Variants in IFI6 observed in about 807,000 individuals in gnomAD.
IFI6 encodes interferon alpha-inducible protein 6.
IFI6 carries 10 observed loss-of-function variants against 12.7 expected under a neutral mutation model. That is an observed-to-expected ratio of 0.79 (90% CI 0.49 to 1.33). The LOEUF (loss-of-function observed/expected upper bound fraction) is 1.33, where lower values mean the gene tolerates loss of function less well. Ranked by LOEUF, IFI6 falls within the 40% of genes most tolerant of loss-of-function variation. IFI6 has a pLI of 0.00. For missense variants in IFI6, 154 were observed against 180.4 expected (o/e 0.85, Z 0.84); for synonymous variants, 89 against 86.2 (o/e 1.03, Z -0.18).
At chr1:27,666,864 G>A (rs940862755) in intron 4 of IFI6, among the ~76,000 whole-genome samples, 1 of 152,044 alleles carries the variant, frequency 6.6e-6, no homozygotes, top group African/African-American at 2.4e-5. Flanking sequence ...CCCTGGGCTC[G>A]CCCACACTCT....
intron 2 of IFI6, 131 bp downstream of exon 2, chr1:27,669,114 C>A: frequency 9.5e-7 from 1 of 1,051,690 alleles, no homozygotes; most frequent in Non-Finnish European, 1.4e-6. Context: ...CATCCTTACC[C>A]GCATCCTTAC....
In IFI6 at chr1:27,668,207, G is replaced by A; in HGVS notation, c.298+19C>T. On this transcript the variant is annotated intron_variant, in intron 4 of 4. Transcript: ENST00000361157. ...AATAGTAAAGAACGTCCCACCAGGG[G>A]CCCAGGCCCCGCACTCACCGAGGCT... 6.8e-7 allele frequency: 1 copy of A among 1,472,824 alleles called. No homozygotes were observed. Among genetic ancestry groups the A allele is most frequent in the Non-Finnish European group, 8.9e-7 (1 of 1,118,374 alleles). 91.2% of individuals were successfully genotyped at this position (1,472,824 alleles called of 1,614,324 possible).
intron 2 of IFI6, 33 bp downstream of exon 2, chr1:27,669,212 T>TCCCCTTACCTGC (rs781490439): frequency 1.3e-6 from 2 of 1,544,604 alleles, no homozygotes; most frequent in Middle Eastern, 3.3e-4. Context: ...CCCTTACCTG[T>TCCCCTTACCTGC]CCCCTTACCT....
Position 27,666,149 on chromosome 1 carries a change from G to T in IFI6, c.*232C>A. 1 of 395,268 alleles carries T rather than the reference G, an allele frequency of 2.5e-6. No homozygotes were observed. The highest frequency in any genetic ancestry group is 4.5e-6 in the Non-Finnish European group (1 of 219,862). The allele number at this position is 395,268 out of a possible 1,614,324, so 24.5% of individuals were successfully genotyped here. Reference sequence around the variant, plus strand: ...AAAGTTCTGGATTCTGGGCATCGTCGGCGCATGCTTGTAATCCTACTTGGG... The same window carrying T: ...AAAGTTCTGGATTCTGGGCATCGTCTGCGCATGCTTGTAATCCTACTTGGG... On this transcript the variant is annotated 3_prime_UTR_variant, in exon 5 of 5. Transcript: ENST00000361157.
In IFI6 at chr1:27,671,974, C is replaced by T. The variant is rs1310279171; in HGVS notation, c.-33+149G>A. 4 of 152,344 alleles carry T rather than the reference C, an allele frequency of 2.6e-5. No homozygotes were observed. The East Asian group carries it at 5.8e-4, about 22-fold the overall frequency. 9.4% of individuals were successfully genotyped at this position (152,344 alleles called of 1,614,324 possible). A position where few individuals can be genotyped will look rare whatever the true frequency, so the allele number is the denominator to read the frequency against. On this transcript the variant is annotated intron_variant, in intron 1 of 4. Coordinates refer to ENST00000361157, the MANE Select transcript of IFI6 (RefSeq NM_002038.4). ...CTCCAACCCATCCTCTTAGACAAGT[C>T]CCAGCCCAGAGCACTAAAAGGGACC...
chr1:27,669,674 C>T, intron 1 of IFI6: 1 of 290,814 alleles, frequency 3.4e-6, no homozygotes, highest in Admixed American at 4.8e-5. Context: ...GGGTACTTTG[C>T]TTCTCTGGGC....
chr1:27,666,557 C>CT, intron 4 of IFI6, 82 bp from the exon 5 acceptor site: 1 of 946,460 alleles, frequency 1.1e-6, no homozygotes, highest in Non-Finnish European at 1.7e-6. Flanking sequence ...TTGGTTGAGT[C>CT]CAACCCCTTA....
At chr1:27,667,089 A>G (rs1421790628) in intron 4 of IFI6, among the ~76,000 whole-genome samples, 2 of 151,136 alleles carry the variant, frequency 1.3e-5, no homozygotes. Flanking sequence ...GAGGAGAGAG[A>G]GGGAAGTAAG....
At position 27,669,360 on chromosome 1, in the gene IFI6, A is replaced by G; in HGVS notation, c.-32-14T>C. The G allele has an allele frequency of 6.7e-7, 1 of 1,503,494 alleles. No homozygotes were observed. Among genetic ancestry groups the G allele is most frequent in the Non-Finnish European group, 9.1e-7 (1 of 1,103,672 alleles). The allele number at this position is 1,503,494 out of a possible 1,614,324, so 93.1% of individuals were successfully genotyped here. On this transcript the variant is annotated splice_polypyrimidine_tract_variant and intron_variant, in intron 1 of 4. Transcript: ENST00000361157. ...CCGTCACTAGACCTGCGAACGGGCG[A>G]GAGGGAGATGGTCCCCGGAGCATTT...
rs1178987865 is a variant in IFI6 at position 27,668,503 on chromosome 1, C to T, written c.103G>A (p.Gly35Ser). 3.1e-6 allele frequency: 5 copies of T among 1,610,364 alleles called. No individual in the cohort carries two copies. Among genetic ancestry groups the T allele is most frequent in the Non-Finnish European group, 4.2e-6 (5 of 1,178,378 alleles). ...GTCAGGGCCTTCCAGAACCCGGAGC[C>T]GCTGTCCGAGCTCTCCGAGCACTTT... ...KKKCSESSDS[G>S]SGFWKALTFM... The change falls in exon 3 of 5, where the codon GGC becomes AGC. Residue 35 changes from glycine to serine, a missense_variant. By Grantham distance (56) the Gly-to-Ser change is moderately conservative (BLOSUM62 0). Coordinates refer to ENST00000361157, the MANE Select transcript of IFI6 (RefSeq NM_002038.4).
At chr1:27,666,578 G>T in intron 4 of IFI6, 103 bp from the exon 5 acceptor site, 1 of 733,764 alleles carries the variant, frequency 1.4e-6, no homozygotes. Flanking sequence ...TGTCTAGATG[G>T]AGAAACAGAG....
chr1:27,670,273 TA>T (rs112305548), intron 1 of IFI6: 21,728 of 147,616 alleles, frequency 0.15, 3,567 homozygotes, highest in African/African-American at 0.4. Flanking sequence ...TTTCTTTCTT[TA>T]AAAAAAAAAA....
intron 2 of IFI6, among the ~76,000 whole-genome samples, 155 bp from the exon 3 acceptor site, chr1:27,668,690 G>A (rs907653769): frequency 6.6e-6 from 1 of 152,100 alleles, no homozygotes; most frequent in Non-Finnish European, 1.5e-5. Context: ...TCCCCTAGGC[G>A]CCGAGCCTGG....
At position 27,668,353 on chromosome 1, in the gene IFI6, G is replaced by C. The variant is rs534851680; in HGVS notation, c.171C>G (p.Pro57=). ...VGGGLAVAGL[P]ALGFTGAGIA... ...TGCCGGCGCCGGTGAAGCCCAGCGC[G>C]GGCAGCCCGGCGACTGCGAGTCCTG... The change falls in exon 4 of 5, where the codon CCC becomes CCG. Residue 57 remains proline, a synonymous_variant. Transcript: ENST00000361157. The C allele has an allele frequency of 1.3e-5, 21 of 1,568,546 alleles. No homozygotes were observed. Among genetic ancestry groups the C allele is most frequent in the African/African-American group, 2.7e-5 (2 of 73,528 alleles).
At position 27,666,198 on chromosome 1, in the gene IFI6, G is replaced by A. The variant is rs148998579; in HGVS notation, c.*183C>T. ...GGAGGTTGAGACAGGAGGATCACTT[G>A]AGGCTAGGAGTTGGAGGCTGCAGTG... is the stretch of plus-strand genomic sequence containing the variant. On this transcript the variant is annotated 3_prime_UTR_variant, in exon 5 of 5. Transcript: ENST00000361157. The A allele has an allele frequency of 2.2e-3, 1,016 of 460,584 alleles. 4 individuals carry two copies. The highest frequency in any genetic ancestry group is 3.5e-3 in the Non-Finnish European group (910 of 260,460). The allele number at this position is 460,584 out of a possible 1,614,324, so 28.5% of individuals were successfully genotyped here.
intron 2 of IFI6, 55 bp from the exon 3 acceptor site, chr1:27,668,590 C>CCA: frequency 1.4e-6 from 2 of 1,432,828 alleles, no homozygotes; most frequent in Non-Finnish European, 1.9e-6. Flanking sequence ...CACAGGGGTC[C>CCA]CCTACTCTGT....
intron 1 of IFI6, among the ~76,000 whole-genome samples, chr1:27,671,628 C>T (rs572199938): frequency 2.0e-5 from 3 of 151,964 alleles, no homozygotes; most frequent in South Asian, 2.1e-4. Flanking sequence ...CCTCGTGATC[C>T]GTGGGTCTCG....
At chr1:27,670,008 G>A (rs1478885756) in intron 1 of IFI6, 2 of 152,366 alleles carry the variant, frequency 1.3e-5, no homozygotes, top group Admixed American at 1.3e-4. Context: ...CCACCAGCAA[G>A]CAAACAATCA....
chr1:27,669,047 CCTTACCCGCATCCTTACCTGCAT>C (rs2090381758), intron 2 of IFI6, among the ~76,000 whole-genome samples, 175 bp downstream of exon 2: 1 of 2,582 alleles, frequency 3.9e-4, no homozygotes, highest in African/African-American at 7.3e-4. Context: ...TTACCTGCAT[CCTTACCCGCATCCTTACCTGCAT>C]CCTTACCCGC....
Sources: gnomAD v4.1 joint callset for allele counts (sites outside exome capture counted in the v4.1 genomes callset) on GRCh38, gnomAD v4.1.1 for gene constraint, MANE v1.5 for transcripts, NCBI Gene and HGNC (gene_info 2026-07-23, HGNC 2026-07-21) for gene names.